RNPC3: variants seen among roughly 807,000 people sequenced by gnomAD.
The protein encoded by RNPC3 is RNA binding region (RNP1, RRM) containing 3, also known as RNA-binding region-containing protein 3.
In RNPC3, 48 loss-of-function variants were observed where a neutral mutation model predicts 67.5. The observed-to-expected ratio is 0.71, with a 90% confidence interval of 0.56 to 0.90. The LOEUF is 0.90. RNPC3 is among the 40% of genes least tolerant of loss of function. RNPC3 has a pLI of 0.00. For missense variants in RNPC3, 637 were observed against 626.1 expected (o/e 1.02, Z -0.19); for synonymous variants, 239 against 210.3 (o/e 1.14, Z -1.18).
chr1:103,536,000 C>A, intron 5 of RNPC3, 126 bp from the exon 6 acceptor site: 2 of 646,580 alleles, frequency 3.1e-6, no homozygotes, highest in Non-Finnish European at 2.6e-6. Flanking sequence ...ATTTTAAAGG[C>A]AAGAGATGGG....
chr1:103,549,029 C>T (rs2101052532), intron 12 of RNPC3, among the ~76,000 whole-genome samples: 1 of 152,116 alleles, frequency 6.6e-6, no homozygotes, highest in East Asian at 1.9e-4. Flanking sequence ...AGGAAAGACC[C>T]ACCCCTATAA....
intron 10 of RNPC3, 113 bp downstream of exon 10, chr1:103,545,215 A>C: frequency 1.3e-6 from 1 of 774,512 alleles, no homozygotes. Context: ...ATACTTTAAA[A>C]CATCTCTCCA....
At chr1:103,537,670 G>C (rs1178673542) in intron 7 of RNPC3, among the ~76,000 whole-genome samples, 186 bp downstream of exon 7, 1 of 152,024 alleles carries the variant, frequency 6.6e-6, no homozygotes, top group Admixed American at 6.6e-5. Context: ...TAGATAACAA[G>C]ACCTAAGTGA....
In RNPC3 at chr1:103,527,859, C is replaced by T; in HGVS notation, c.240+117C>T. 7.4e-6 allele frequency: 5 copies of T among 674,622 alleles called. No individual in the cohort carries two copies. In the South Asian group the frequency reaches 9.6e-5, roughly 13 times the overall value. The allele number at this position is 674,622 out of a possible 1,614,324, so 41.8% of individuals were successfully genotyped here. A position where few individuals can be genotyped will look rare whatever the true frequency, so the allele number is the denominator to read the frequency against. On this transcript the variant is annotated intron_variant, in intron 2 of 14. Transcript: ENST00000423855. ...AAAAGCGTTTGTATTCCAACAGTTTCCCCAACAGACTACATTTGATTTGTC... is the reference window on the plus strand; with the variant it reads ...AAAAGCGTTTGTATTCCAACAGTTTTCCCAACAGACTACATTTGATTTGTC...
chr1:103,555,164 C>T lies in RNPC3; in HGVS notation c.*143C>T, dbSNP rs1487897742. ...AAATTAAATCTATATGCCTTTAAAT[C>T]AGTGAATTGGAAACATATTACATGT... On this transcript the variant is annotated 3_prime_UTR_variant, in exon 15 of 15. Coordinates refer to ENST00000423855, the MANE Select transcript of RNPC3 (RefSeq NM_017619.4). The T allele has an allele frequency of 6.6e-6, 1 of 151,928 alleles. No individual in the cohort carries two copies. The highest frequency in any genetic ancestry group is 1.5e-5 in the Non-Finnish European group (1 of 67,942). 9.4% of individuals were successfully genotyped at this position (151,928 alleles called of 1,614,324 possible).
chr1:103,537,947 G>T (rs925172945), intron 7 of RNPC3, among the ~76,000 whole-genome samples: 1 of 151,988 alleles, frequency 6.6e-6, no homozygotes, highest in Non-Finnish European at 1.5e-5. Context: ...AGGTTCAAGC[G>T]ATTTTCCTGC....
chr1:103,543,579 A>G (rs1324140904), intron 9 of RNPC3, 132 bp downstream of exon 9: 2 of 643,582 alleles, frequency 3.1e-6, no homozygotes, highest in African/African-American at 1.9e-5. Context: ...TCCCAAAATC[A>G]TGGAATAATA....
At chr1:103,550,184 T>C (rs1651352726) in intron 12 of RNPC3, among the ~76,000 whole-genome samples, 1 of 151,742 alleles carries the variant, frequency 6.6e-6, no homozygotes, top group Non-Finnish European at 1.5e-5. Flanking sequence ...ATAATCATAA[T>C]AATAATAATA....
intron 9 of RNPC3, among the ~76,000 whole-genome samples, chr1:103,543,865 A>T (rs1448166633): frequency 2.6e-5 from 4 of 151,722 alleles, no homozygotes; most frequent in Admixed American, 2.0e-4. Context: ...ACATATATAT[A>T]TTTTTTAATC....
At chr1:103,551,941 C>A (rs1266954639) in intron 14 of RNPC3, 149 bp downstream of exon 14, 16 of 470,892 alleles carry the variant, frequency 3.4e-5, no homozygotes, top group Admixed American at 2.1e-4. Context: ...CATTAAACGT[C>A]AAAACTATAA....
At chr1:103,539,209 G>A (rs1433317464) in intron 7 of RNPC3, among the ~76,000 whole-genome samples, 1 of 152,132 alleles carries the variant, frequency 6.6e-6, no homozygotes, top group Non-Finnish European at 1.5e-5. Context: ...GGAAGAAGTG[G>A]TATATAGGAG....
intron 6 of RNPC3, 79 bp from the exon 7 acceptor site, chr1:103,537,263 A>T: frequency 1.0e-6 from 1 of 957,442 alleles, no homozygotes; most frequent in African/African-American, 1.7e-5. Flanking sequence ...GATAGAAATG[A>T]GAATGAAGTA....
In RNPC3 at chr1:103,551,101, A is replaced by G. The variant is rs138098494; in HGVS notation, c.1494+28A>G. On this transcript the variant is annotated intron_variant, in intron 13 of 14. Transcript: ENST00000423855. ...ATCCTTTAAATCCATCTATTTCAAAACTATATAATTTTTAGAAGGATATAA... is the reference window on the plus strand; with the variant it reads ...ATCCTTTAAATCCATCTATTTCAAAGCTATATAATTTTTAGAAGGATATAA... 263 of 1,540,866 alleles carry G rather than the reference A, an allele frequency of 1.7e-4. 2 individuals are homozygous for G. In the East Asian group the frequency reaches 5.9e-3, roughly 35 times the overall value.
chr1:103,527,768 G>A (rs1161585214), intron 2 of RNPC3, 26 bp downstream of exon 2: 3 of 1,477,470 alleles, frequency 2.0e-6, no homozygotes, highest in Non-Finnish European at 2.8e-6. Context: ...GACGATTAAA[G>A]TTGTCAACAG....
At chr1:103,537,900 A>G (rs1001928551) in intron 7 of RNPC3, among the ~76,000 whole-genome samples, 3 of 151,980 alleles carry the variant, frequency 2.0e-5, no homozygotes, top group East Asian at 1.9e-4. Flanking sequence ...CTGGAGTGCA[A>G]TGGCGCGATC....
At chr1:103,552,939 A>G (rs1472270323) in intron 14 of RNPC3, among the ~76,000 whole-genome samples, 1 of 152,222 alleles carries the variant, frequency 6.6e-6, no homozygotes, top group African/African-American at 2.4e-5. Flanking sequence ...TGTTTGTTAC[A>G]TTGTTCAAGA....
rs1215813434 is a variant in RNPC3 at position 103,546,357 on chromosome 1, A to AT, written c.1302+23dup. ...TTCAAGAAAAGGTAGGTATAAATTG[A>AT]TTTTTTTTCATGTAAATGAAAATAA... On this transcript the variant is annotated intron_variant, in intron 11 of 14. Transcript: ENST00000423855. 4.9e-5 allele frequency: 60 copies of AT among 1,223,586 alleles called. No homozygotes were observed. Among genetic ancestry groups the AT allele is most frequent in the Admixed American group, 6.2e-5 (2 of 32,502 alleles). 75.8% of individuals were successfully genotyped at this position (1,223,586 alleles called of 1,614,324 possible). A position where few individuals can be genotyped will look rare whatever the true frequency, so the allele number is the denominator to read the frequency against.
rs1055628348 is a variant in RNPC3, at chr1:103,533,787, G to C, written c.289G>C (p.Val97Leu). The C allele has an allele frequency of 6.5e-7, 1 of 1,533,798 alleles. No individual in the cohort carries two copies. Among genetic ancestry groups the C allele is most frequent in the Non-Finnish European group, 8.7e-7 (1 of 1,145,094 alleles). ...QLKLLGHTLV[V>L]EFAKEQDRVH... ...GAAACTTTTAGGTCATACTTTAGTCGTTGAATTTGCAAAAGAGCAAGATCG... is the reference window on the plus strand; with the variant it reads ...GAAACTTTTAGGTCATACTTTAGTCCTTGAATTTGCAAAAGAGCAAGATCG... The change falls in exon 3 of 15, where the codon GTT becomes CTT. Residue 97 changes from valine (V) to leucine (L), a missense_variant. Physicochemically the swap from Val to Leu is conservative, Grantham distance 32 (BLOSUM62 1). This residue lies in a region of RNPC3 where 536 missense variants were observed against 500.3 expected (regional missense o/e 1.07). Transcript: ENST00000423855.
intron 11 of RNPC3, chr1:103,546,741 C>A (rs1651252855): frequency 2.5e-6 from 1 of 399,248 alleles, no homozygotes; most frequent in Admixed American, 4.4e-5. Context: ...AGCTGGCGAA[C>A]TTTCACCTTC....
Sources: allele counts gnomAD v4.1 joint callset (sites outside exome capture counted in the v4.1 genomes callset), GRCh38; gene constraint gnomAD v4.1.1; regional missense constraint gnomAD v4.1.1; transcripts MANE v1.5; gene names NCBI Gene and HGNC (gene_info 2026-07-23, HGNC 2026-07-21).